The following GRM8 variants were observed in gnomAD, a reference collection of about 807,000 sequenced individuals.
GRM8 encodes the protein glutamate metabotropic receptor 8.
GRM8 carries 47 observed loss-of-function variants against 87.2 expected under a neutral mutation model. The ratio of observed to expected loss-of-function variants is 0.54; its 90% CI spans 0.43 to 0.69. GRM8 has a LOEUF of 0.69. GRM8 is among the 30% of genes least tolerant of loss of function. The probability of loss-of-function intolerance (pLI) is 0.00; values close to 1 mark genes in which losing one functional copy is unlikely to be tolerated. For missense variants in GRM8, 1,019 were observed against 1,139.2 expected, an observed-to-expected ratio of 0.89 and a Z score of 1.52; for synonymous variants, 396 against 404.5, an observed-to-expected ratio of 0.98 and a Z score of 0.25.
intron 7 of GRM8, among the ~76,000 whole-genome samples, chr7:126,690,525 C>T (rs765641724): frequency 6.6e-6 from 1 of 152,150 alleles, no homozygotes; most frequent in African/African-American, 2.4e-5. Flanking sequence ...GTGTCACATC[C>T]CTGGCTCAGG....
At chr7:126,820,308 C>A (rs1049336633) in intron 6 of GRM8, among the ~76,000 whole-genome samples, 1 of 152,098 alleles carries the variant, frequency 6.6e-6, no homozygotes, top group African/African-American at 2.4e-5. Context: ...AGATGATATA[C>A]AAAATGAGAA....
At chr7:127,014,337 AAAGTGTCTTCAAGGGGCTGCTTTTAGG>A (rs1357444803) in intron 3 of GRM8, among the ~76,000 whole-genome samples, 1 of 152,180 alleles carries the variant, frequency 6.6e-6, no homozygotes, top group East Asian at 1.9e-4. Context: ...TCCACCTGCG[AAAGTGTCTTCAAGGGGCTGCTTTTAGG>A]ATATTCAGGA....
intron 3 of GRM8, among the ~76,000 whole-genome samples, chr7:127,017,668 T>C (rs570139834): frequency 3.3e-5 from 5 of 152,080 alleles, no homozygotes; most frequent in African/African-American, 1.2e-4. Flanking sequence ...TGGAGAGGCA[T>C]TCCAGTTAAA....
At chr7:126,901,192 G>A (rs1460690482) in intron 6 of GRM8, among the ~76,000 whole-genome samples, 1 of 152,024 alleles carries the variant, frequency 6.6e-6, no homozygotes, top group African/African-American at 2.4e-5. Flanking sequence ...TGGCGCTAGA[G>A]CTTGTCATGC....
At chr7:127,188,176 T>A (rs952315339) in intron 2 of GRM8, among the ~76,000 whole-genome samples, 17 of 152,170 alleles carry the variant, frequency 1.1e-4, no homozygotes, top group Non-Finnish European at 2.9e-5. Flanking sequence ...ACAATAAACT[T>A]ATGACAGAAG....
intron 6 of GRM8, among the ~76,000 whole-genome samples, chr7:126,876,349 G>A (rs1799524049): frequency 1.3e-5 from 2 of 152,142 alleles, no homozygotes; most frequent in African/African-American, 4.8e-5. Flanking sequence ...AATCGCTCAG[G>A]TGCTAATTAA....
At chr7:127,134,546 A>G (rs1303624089) in intron 2 of GRM8, among the ~76,000 whole-genome samples, 1 of 152,354 alleles carries the variant, frequency 6.6e-6, no homozygotes. Flanking sequence ...TTTGATATCA[A>G]TTGTAAAGAT....
intron 6 of GRM8, among the ~76,000 whole-genome samples, chr7:126,868,038 G>A (rs1212757406): frequency 1.3e-5 from 2 of 152,214 alleles, no homozygotes; most frequent in South Asian, 2.1e-4. Flanking sequence ...AAGACATAGA[G>A]CTTGGCTGGT....
chr7:126,670,535 T>G (rs536585656), intron 7 of GRM8, among the ~76,000 whole-genome samples: 7 of 152,352 alleles, frequency 4.6e-5, no homozygotes, highest in African/African-American at 1.7e-4. Flanking sequence ...CTGGACATTT[T>G]GTTATTCACA....
chr7:126,748,767 T>C (rs1177651569), intron 7 of GRM8, among the ~76,000 whole-genome samples: 1 of 151,986 alleles, frequency 6.6e-6, no homozygotes, highest in African/African-American at 2.4e-5. Context: ...ATCTAGTCAG[T>C]GGGGTATTAG....
chr7:127,212,012 G>A (rs1331268872), intron 2 of GRM8, among the ~76,000 whole-genome samples: 4 of 152,038 alleles, frequency 2.6e-5, no homozygotes, highest in Non-Finnish European at 5.9e-5. Flanking sequence ...CTTAGAGTAT[G>A]GGAATAAGAA....
At chr7:126,887,549 T>C (rs1011360121) in intron 6 of GRM8, among the ~76,000 whole-genome samples, 1 of 152,086 alleles carries the variant, frequency 6.6e-6, no homozygotes, top group Non-Finnish European at 1.5e-5. Flanking sequence ...TGCTTATTTA[T>C]ATCAAATTAT....
chr7:126,491,105 A>G (rs914939641), intron 9 of GRM8, among the ~76,000 whole-genome samples: 1 of 152,064 alleles, frequency 6.6e-6, no homozygotes, highest in African/African-American at 2.4e-5. Context: ...ATCTATAATT[A>G]CCCTATCCAC....
intron 3 of GRM8, among the ~76,000 whole-genome samples, chr7:126,959,031 C>A (rs1809037806): frequency 6.6e-6 from 1 of 152,054 alleles, no homozygotes. Context: ...AAAATTTAAC[C>A]TGGGTAGAAG....
intron 2 of GRM8, among the ~76,000 whole-genome samples, chr7:127,172,806 C>T (rs537059275): frequency 4.9e-4 from 74 of 152,046 alleles, no homozygotes; most frequent in African/African-American, 1.8e-3. Flanking sequence ...ATAATTTTGT[C>T]ACCTAAAGGA....
chr7:126,695,412 T>C (rs1809272071), intron 7 of GRM8, among the ~76,000 whole-genome samples: 1 of 152,158 alleles, frequency 6.6e-6, no homozygotes, highest in Non-Finnish European at 1.5e-5. Flanking sequence ...CAGTATCAGC[T>C]ATGAAACGGA....
chr7:126,735,626 T>G (rs572433656), intron 7 of GRM8, among the ~76,000 whole-genome samples: 1 of 152,210 alleles, frequency 6.6e-6, no homozygotes, highest in East Asian at 1.9e-4. Flanking sequence ...AAGGACGCCA[T>G]GTTGTTACCG....
At chr7:126,507,837 T>A (rs374279794) in intron 9 of GRM8, among the ~76,000 whole-genome samples, 12 of 151,984 alleles carry the variant, frequency 7.9e-5, no homozygotes, top group African/African-American at 2.4e-4. Flanking sequence ...TCAACCCTAA[T>A]TCCCTGTATG....
intron 7 of GRM8, among the ~76,000 whole-genome samples, chr7:126,768,097 C>T (rs919416672): frequency 2.6e-5 from 4 of 151,962 alleles, no homozygotes; most frequent in Admixed American, 1.3e-4. Context: ...GACACCTACT[C>T]CCTTCAGATT....
Sources: allele counts gnomAD v4.1 joint callset (sites outside exome capture counted in the v4.1 genomes callset), GRCh38; gene constraint gnomAD v4.1.1; transcripts MANE v1.5; gene names NCBI Gene and HGNC (gene_info 2026-07-23, HGNC 2026-07-21).